CAST: variants seen among roughly 807,000 people sequenced by gnomAD.
The protein encoded by CAST is MIR583 host.
CAST carries 76 observed loss-of-function variants against 119.6 expected under a neutral mutation model. The observed-to-expected ratio is 0.64, with a 90% CI of 0.53 to 0.77. The LOEUF is 0.77. Among genes scored for constraint, CAST ranks in the 30% least tolerant of loss-of-function variants. CAST has a pLI of 0.00. For synonymous variants in CAST, 319 were observed against 331.6 expected, an observed-to-expected ratio of 0.96 and a Z score of 0.41; for missense variants, 953 against 946.5, an observed-to-expected ratio of 1.01 and a Z score of -0.09.
At chr5:96,382,587 C>T in the CAST span, among the ~76,000 whole-genome samples, 22 of 152,134 alleles carry the variant, frequency 1.4e-4, no homozygotes, top group Non-Finnish European at 3.2e-4. Flanking sequence ...ATGAGGGATA[C>T]AACGATGAAT....
the CAST span, among the ~76,000 whole-genome samples, chr5:96,236,757 G>A: frequency 1.3e-5 from 2 of 152,100 alleles, no homozygotes; most frequent in South Asian, 4.1e-4. Flanking sequence ...GAACTGGGTG[G>A]CCTATATGTT....
the CAST span, among the ~76,000 whole-genome samples, chr5:96,124,091 C>A: frequency 6.6e-6 from 1 of 152,138 alleles, no homozygotes; most frequent in Non-Finnish European, 1.5e-5. Context: ...TTAATCATCC[C>A]AATCATTAAG....
At chr5:96,233,326 G>A in the CAST span, among the ~76,000 whole-genome samples, 39 of 152,084 alleles carry the variant, frequency 2.6e-4, no homozygotes, top group Non-Finnish European at 4.6e-4. Flanking sequence ...ATATAGGACT[G>A]GGATTCAAGT....
At chr5:96,143,171 T>C in the CAST span, among the ~76,000 whole-genome samples, 1 of 152,238 alleles carries the variant, frequency 6.6e-6, no homozygotes, top group East Asian at 1.9e-4. Flanking sequence ...GATGTATATA[T>C]AAACAATATT....
the CAST span, among the ~76,000 whole-genome samples, chr5:96,083,332 G>A: frequency 2.6e-5 from 4 of 152,208 alleles, no homozygotes; most frequent in East Asian, 7.7e-4. Flanking sequence ...AGAGAGGAGG[G>A]ACATTGTGTT....
At position 96,619,636 on chromosome 5, in the gene CAST, C is replaced by T. The variant is rs181933944; in HGVS notation, c.61-55903C>T. ...CTGTAACGCTCACTGCGAAGGTCTA[C>T]AGCTTCACTCCTGAAGCCAGCGAGA... On this transcript the variant is annotated intron_variant, in intron 1 of 11. Transcript: ENST00000505143. Among the ~76,000 whole-genome samples, 367 of 152,332 alleles carry T rather than the reference C, an allele frequency of 2.4e-3. 2 individuals carry two copies. The highest frequency in any genetic ancestry group is 8.4e-3 in the African/African-American group (348 of 41,566).
chr5:96,157,955 G>C, the CAST span, among the ~76,000 whole-genome samples: 1 of 152,102 alleles, frequency 6.6e-6, no homozygotes, highest in Non-Finnish European at 1.5e-5. Context: ...CATTTGTTCC[G>C]TGTATGATCT....
chr5:96,090,823 C>T, the CAST span, among the ~76,000 whole-genome samples: 1 of 151,540 alleles, frequency 6.6e-6, no homozygotes, highest in Non-Finnish European at 1.5e-5. Context: ...TCCCCTGTGG[C>T]CTCCATCTAG....
At chr5:96,053,665 G>A in the CAST span, among the ~76,000 whole-genome samples, 1 of 152,150 alleles carries the variant, frequency 6.6e-6, no homozygotes, top group Admixed American at 6.5e-5. Context: ...TATCACTTAT[G>A]ACTTTTCACA....
chr5:96,089,419 G>A, the CAST span, among the ~76,000 whole-genome samples: 3 of 152,134 alleles, frequency 2.0e-5, no homozygotes, highest in African/African-American at 7.2e-5. Context: ...TATTTATATA[G>A]TATTGTTTAC....
the CAST span, among the ~76,000 whole-genome samples, chr5:96,123,642 G>A: frequency 6.6e-6 from 1 of 152,132 alleles, no homozygotes; most frequent in Non-Finnish European, 1.5e-5. Flanking sequence ...TTCATTCCAA[G>A]TTTGGCTTTT....
At chr5:96,152,963 T>C in the CAST span, among the ~76,000 whole-genome samples, 2 of 152,222 alleles carry the variant, frequency 1.3e-5, no homozygotes, top group Non-Finnish European at 2.9e-5. Flanking sequence ...TTTAGAAATC[T>C]AAGCATTTTA....
At chr5:96,173,101 G>C in the CAST span, among the ~76,000 whole-genome samples, 1 of 152,218 alleles carries the variant, frequency 6.6e-6, no homozygotes, top group Non-Finnish European at 1.5e-5. Flanking sequence ...GATACCGACT[G>C]GCTGGGAAGG....
chr5:96,199,145 A>G, the CAST span, among the ~76,000 whole-genome samples: 2 of 152,214 alleles, frequency 1.3e-5, no homozygotes, highest in African/African-American at 2.4e-5. Flanking sequence ...GAGTATAATA[A>G]AAGTGTGTAG....
the CAST span, among the ~76,000 whole-genome samples, chr5:96,238,322 C>G: frequency 7.6e-5 from 3 of 39,392 alleles, no homozygotes; most frequent in African/African-American, 2.1e-4. Flanking sequence ...TCTTCTTCTT[C>G]TTCTTCTTCT....
At chr5:96,534,755 A>AAG (rs775627348) in intron 1 of CAST, among the ~76,000 whole-genome samples, 8,630 of 39,070 alleles carry the variant, frequency 0.22, 1,497 homozygotes, top group Middle Eastern at 0.33. Flanking sequence ...GAAAGAAAGA[A>AAG]AGAAAGAAAG....
chr5:96,768,178 G>A lies in CAST; in HGVS notation c.2268+179G>A, dbSNP rs530021436. On this transcript the variant is annotated intron_variant, in intron 29 of 31. Transcript: ENST00000675179. ...AGCTTACTGCGATCTCTGCTTCCTG[G>A]GCTCAAGCAATCCTCCTACCTTAGC... Among the ~76,000 whole-genome samples the A allele has an allele frequency of 1.1e-4, 16 of 152,198 alleles. No homozygotes were observed. The South Asian group carries it at 2.9e-3, about 28-fold the overall frequency.
At chr5:96,331,538 A>T in the CAST span, among the ~76,000 whole-genome samples, 18 of 152,220 alleles carry the variant, frequency 1.2e-4, no homozygotes, top group Non-Finnish European at 2.5e-4. Context: ...ACACCAAATC[A>T]TTCCTGTTTT....
the CAST span, among the ~76,000 whole-genome samples, chr5:96,117,258 G>A: frequency 6.6e-6 from 1 of 152,008 alleles, no homozygotes; most frequent in Admixed American, 6.6e-5. Context: ...AAGTTTAATA[G>A]TTTCTTATAT....
Sources: allele counts gnomAD v4.1 joint callset (sites outside exome capture counted in the v4.1 genomes callset), GRCh38; gene constraint gnomAD v4.1.1; transcripts MANE v1.5; gene names NCBI Gene and HGNC (gene_info 2026-07-23, HGNC 2026-07-21).